The following SORL1 variants were observed in gnomAD, a reference collection of about 807,000 sequenced individuals.
The protein encoded by SORL1 is sortilin-related receptor.
SORL1 carries 127 observed loss-of-function variants against 273.7 expected under a neutral mutation model. The ratio of observed to expected loss-of-function variants is 0.46; its 90% CI spans 0.40 to 0.54. The LOEUF (loss-of-function observed/expected upper bound fraction) is 0.54. SORL1 is among the 20% of genes least tolerant of loss of function. The pLI is 0.00. For synonymous variants in SORL1, 1,031 were observed against 1,067.4 expected (o/e 0.97, Z 0.66); for missense variants, 2,494 against 2,846.1 (o/e 0.88, Z 2.81).
chr11:121,460,148 C>A (rs998309272), intron 1 of SORL1, among the ~76,000 whole-genome samples: 4 of 151,972 alleles, frequency 2.6e-5, no homozygotes, highest in South Asian at 4.1e-4. Flanking sequence ...TTTATTATCT[C>A]CCCCCCTTTC....
intron 4 of SORL1, among the ~76,000 whole-genome samples, chr11:121,489,822 T>G (rs991572106): frequency 3.3e-5 from 5 of 152,260 alleles, no homozygotes. Flanking sequence ...CCTACTCATT[T>G]TTCCTTCCAG....
At chr11:121,519,541 C>A (rs1303212433) in intron 8 of SORL1, among the ~76,000 whole-genome samples, 2 of 152,000 alleles carry the variant, frequency 1.3e-5, no homozygotes, top group African/African-American at 4.8e-5. Context: ...AGAATATAAC[C>A]CCAAGCTTTC....
chr11:121,504,701 AC>A (rs1393502387), intron 6 of SORL1, among the ~76,000 whole-genome samples: 27 of 152,058 alleles, frequency 1.8e-4, no homozygotes, highest in Admixed American at 1.8e-3. Flanking sequence ...TTTTTGCCCA[AC>A]TGCCTTGGGT....
At chr11:121,543,427 C>T in intron 12 of SORL1, 121 bp from the exon 13 acceptor site, 1 of 752,256 alleles carries the variant, frequency 1.3e-6, no homozygotes, top group East Asian at 2.5e-5. Flanking sequence ...CCTGCCTTAG[C>T]CCAGGATCAG....
intron 37 of SORL1, 118 bp downstream of exon 37, chr11:121,607,408 T>C (rs1165449400): frequency 1.8e-6 from 1 of 545,896 alleles, no homozygotes; most frequent in African/African-American, 1.8e-5. Flanking sequence ...ATCTGCAAAA[T>C]ACCCAACTTC....
At chr11:121,576,813 A>G (rs1249547642) in intron 24 of SORL1, 1 of 1,524,466 alleles carries the variant, frequency 6.6e-7, no homozygotes. Flanking sequence ...CACTGATTTT[A>G]CTCTCTCTGA....
rs1313242313 is a variant in SORL1, at chr11:121,631,823, A to T, written c.*2260A>T. 1 of 152,228 alleles carries T rather than the reference A, an allele frequency of 6.6e-6. No homozygotes were observed. The highest frequency in any genetic ancestry group is 2.4e-5 in the African/African-American group (1 of 41,450). 9.4% of individuals were successfully genotyped at this position (152,228 alleles called of 1,614,324 possible). On this transcript the variant is annotated 3_prime_UTR_variant, in exon 48 of 48. Coordinates refer to ENST00000260197, the MANE Select transcript of SORL1 (RefSeq NM_003105.6). ...GGCTAGAGTATTTTATATAAACAGA[A>T]GAGCTAAGTTCCTGAAGACTAAGCT...
intron 21 of SORL1, among the ~76,000 whole-genome samples, chr11:121,565,342 T>C (rs1862739976): frequency 6.6e-6 from 1 of 152,260 alleles, no homozygotes; most frequent in African/African-American, 2.4e-5. Context: ...CTTGGCATCA[T>C]AATAACGTTG....
intron 18 of SORL1, 95 bp downstream of exon 18, chr11:121,555,413 A>C (rs1048260167): frequency 1.4e-6 from 2 of 1,475,742 alleles, no homozygotes; most frequent in Non-Finnish European, 9.3e-7. Flanking sequence ...CCAGTGTGTC[A>C]GATTACTCAG....
intron 1 of SORL1, among the ~76,000 whole-genome samples, chr11:121,468,370 C>G (rs1861118586): frequency 6.6e-6 from 1 of 152,068 alleles, no homozygotes; most frequent in Admixed American, 6.5e-5. Flanking sequence ...AGAGAGGCAG[C>G]CTGTGATCCT....
At chr11:121,520,900 T>C in intron 9 of SORL1, 51 bp downstream of exon 9, 1 of 1,321,330 alleles carries the variant, frequency 7.6e-7, no homozygotes, top group Non-Finnish European at 1.0e-6. Flanking sequence ...GAAAGAGCCC[T>C]GCTCTGTGGT....
At chr11:121,608,048 A>G (rs920853893) in intron 37 of SORL1, 56 bp from the exon 38 acceptor site, 2 of 1,445,446 alleles carry the variant, frequency 1.4e-6, no homozygotes, top group Non-Finnish European at 1.9e-6. Flanking sequence ...TTCTTACTGT[A>G]TGGTGTATGG....
At chr11:121,540,902 A>G (rs1862338227) in intron 12 of SORL1, among the ~76,000 whole-genome samples, 1 of 152,222 alleles carries the variant, frequency 6.6e-6, no homozygotes, top group African/African-American at 2.4e-5. Context: ...TAGCATTACC[A>G]CTGAGTGGGC....
intron 46 of SORL1, chr11:121,626,366 C>T (rs1287996822): frequency 6.6e-6 from 1 of 152,126 alleles, no homozygotes; most frequent in African/African-American, 2.4e-5. Context: ...CCGACTTCCT[C>T]TTCACTGCTC....
At chr11:121,593,610 C>T (rs12273075) in intron 31 of SORL1, among the ~76,000 whole-genome samples, 315 of 152,226 alleles carry the variant, frequency 2.1e-3, no homozygotes, top group African/African-American at 7.2e-3. Flanking sequence ...GTTGCTTTTT[C>T]TTGGTTTACT....
At chr11:121,456,848 A>C (rs1860913860) in intron 1 of SORL1, among the ~76,000 whole-genome samples, 1 of 152,334 alleles carries the variant, frequency 6.6e-6, no homozygotes, top group East Asian at 1.9e-4. Flanking sequence ...AGGCCCTGGG[A>C]CAAAAGGCCT....
At chr11:121,561,410 A>G (rs1371800351) in intron 21 of SORL1, among the ~76,000 whole-genome samples, 1 of 152,188 alleles carries the variant, frequency 6.6e-6, no homozygotes, top group African/African-American at 2.4e-5. Context: ...CAGGTCTGCA[A>G]TCCTCACCTT....
intron 31 of SORL1, among the ~76,000 whole-genome samples, chr11:121,593,676 G>T (rs765420182): frequency 1.3e-5 from 2 of 151,974 alleles, no homozygotes; most frequent in Non-Finnish European, 2.9e-5. Context: ...ATATGATGAC[G>T]CAGTGGCCAA....
At chr11:121,599,703 CA>C (rs1244748703) in intron 32 of SORL1, among the ~76,000 whole-genome samples, 5 of 151,210 alleles carry the variant, frequency 3.3e-5, no homozygotes, top group African/African-American at 4.9e-5. Context: ...CAAGTTTGCA[CA>C]AATAAGTGTT....
Sources: gnomAD v4.1 joint callset for allele counts (sites outside exome capture counted in the v4.1 genomes callset) on GRCh38, gnomAD v4.1.1 for gene constraint, MANE v1.5 for transcripts, NCBI Gene and HGNC (gene_info 2026-07-23, HGNC 2026-07-21) for gene names.